PIK3CB: variants seen among roughly 807,000 people sequenced by gnomAD.
The protein encoded by PIK3CB is phosphatidylinositol 4,5-bisphosphate 3-kinase catalytic subunit beta isoform.
In PIK3CB, 39 loss-of-function variants were observed where a neutral mutation model predicts 136.8. That is an observed-to-expected ratio of 0.29 (90% confidence interval 0.22 to 0.37). The LOEUF (loss-of-function observed/expected upper bound fraction) is 0.37. Among genes scored for constraint, PIK3CB ranks in the 10% least tolerant of loss-of-function variants. PIK3CB has a pLI of 1.00. For synonymous variants in PIK3CB, 428 were observed against 436.6 expected (o/e 0.98, Z 0.25); for missense variants, 868 against 1,275.4 (o/e 0.68, Z 4.87).
chr3:138,819,615 C>G (rs992705887), intron 1 of PIK3CB, among the ~76,000 whole-genome samples: 1 of 152,040 alleles, frequency 6.6e-6, no homozygotes, highest in Admixed American at 6.6e-5. Context: ...ATACTGATGC[C>G]GAGGTATCAT....
intron 1 of PIK3CB, among the ~76,000 whole-genome samples, chr3:138,810,024 A>G (rs1234589920): frequency 1.3e-5 from 2 of 152,310 alleles, no homozygotes; most frequent in African/African-American, 2.4e-5. Flanking sequence ...ACACATACAC[A>G]CACACGAACA....
chr3:138,714,933 C>T (rs1260026814), intron 8 of PIK3CB, among the ~76,000 whole-genome samples: 1 of 152,096 alleles, frequency 6.6e-6, no homozygotes, highest in Non-Finnish European at 1.5e-5. Flanking sequence ...TTCAGTAAAC[C>T]GTAGTTAGTC....
chr3:138,718,934 A>G (rs1161011081), intron 8 of PIK3CB, among the ~76,000 whole-genome samples: 1 of 152,086 alleles, frequency 6.6e-6, no homozygotes, highest in African/African-American at 2.4e-5. Context: ...ATGATTTTTT[A>G]AAACAACCAT....
intron 2 of PIK3CB, among the ~76,000 whole-genome samples, chr3:138,790,227 T>G (rs1388272311): frequency 1.3e-5 from 2 of 152,086 alleles, no homozygotes; most frequent in Non-Finnish European, 2.9e-5. Context: ...GTATGGAGTT[T>G]CGGTTAGGGA....
At chr3:138,787,719 T>G (rs1287448359) in intron 2 of PIK3CB, among the ~76,000 whole-genome samples, 1 of 150,278 alleles carries the variant, frequency 6.7e-6, no homozygotes, top group Non-Finnish European at 1.5e-5. Context: ...ACAAATGTAT[T>G]CTTTTTTTTT....
chr3:138,765,679 CAAAA>C (rs34550458), intron 2 of PIK3CB, among the ~76,000 whole-genome samples: 2 of 119,242 alleles, frequency 1.7e-5, no homozygotes, highest in Non-Finnish European at 1.7e-5. Context: ...CCCCTCTCTT[CAAAA>C]AAAAAAAAAA....
Position 138,667,648 on chromosome 3 carries a change from A to G in PIK3CB, c.2505-2445T>C, listed in dbSNP as rs1577049392. On this transcript the variant is annotated intron_variant, in intron 19 of 23. Coordinates refer to ENST00000674063, the MANE Select transcript of PIK3CB (RefSeq NM_006219.3). ...GCAATCTCGGCTCACTGCAAGCTCCACCTCCCGGGTTCACGTCATTATCCT... is the reference window on the plus strand; with the variant it reads ...GCAATCTCGGCTCACTGCAAGCTCCGCCTCCCGGGTTCACGTCATTATCCT... Among the ~76,000 whole-genome samples, 5 of 148,626 alleles carry G rather than the reference A, an allele frequency of 3.4e-5. No homozygotes were observed. In the South Asian group the frequency reaches 1.1e-3, roughly 32 times the overall value.
chr3:138,700,467 C>A (rs1559824800), intron 12 of PIK3CB, among the ~76,000 whole-genome samples: 1 of 152,060 alleles, frequency 6.6e-6, no homozygotes, highest in African/African-American at 2.4e-5. Context: ...CTTAAATGGG[C>A]TCCCATGAGC....
intron 2 of PIK3CB, among the ~76,000 whole-genome samples, chr3:138,789,873 T>A (rs979826656): frequency 2.0e-5 from 3 of 152,062 alleles, no homozygotes; most frequent in African/African-American, 7.2e-5. Context: ...ATATTTTTAG[T>A]AGAGACGGGG....
intron 4 of PIK3CB, among the ~76,000 whole-genome samples, chr3:138,744,265 G>A (rs2045302232): frequency 1.3e-5 from 2 of 151,052 alleles, no homozygotes; most frequent in East Asian, 1.9e-4. Flanking sequence ...CGTGGTGGTG[G>A]GTGCCTGAAG....
chr3:138,664,168 G>A (rs932912916), intron 20 of PIK3CB, 139 bp from the exon 21 acceptor site: 2 of 953,230 alleles, frequency 2.1e-6, no homozygotes, highest in African/African-American at 3.4e-5. Flanking sequence ...AGAACATGTG[G>A]ATCAGCCAAG....
At chr3:138,671,499 TA>T (rs1485344118) in intron 19 of PIK3CB, among the ~76,000 whole-genome samples, 1 of 152,030 alleles carries the variant, frequency 6.6e-6, no homozygotes, top group Non-Finnish European at 1.5e-5. Context: ...TAGGTGTGGT[TA>T]AAAAAGAAAG....
chr3:138,734,496 ATGG>A (rs2045059103), intron 7 of PIK3CB, 135 bp downstream of exon 7: 3 of 494,922 alleles, frequency 6.1e-6, no homozygotes, highest in Non-Finnish European at 1.0e-5. Context: ...TTTTAAATAA[ATGG>A]TGATCGATTT....
intron 7 of PIK3CB, 37 bp from the exon 8 acceptor site, chr3:138,733,475 G>A: frequency 9.8e-7 from 1 of 1,015,732 alleles, no homozygotes; most frequent in Admixed American, 1.9e-5. Context: ...TTATTTTAAT[G>A]AAAGAAATGA....
intron 2 of PIK3CB, among the ~76,000 whole-genome samples, chr3:138,779,954 T>C (rs2045905040): frequency 6.6e-6 from 1 of 152,008 alleles, no homozygotes. Flanking sequence ...TAAATGGCAC[T>C]GAGAACTTTT....
intron 2 of PIK3CB, among the ~76,000 whole-genome samples, chr3:138,773,347 C>T (rs1028721006): frequency 1.8e-4 from 27 of 151,724 alleles, no homozygotes; most frequent in African/African-American, 6.3e-4. Context: ...GTTGAGATCA[C>T]GCCACTACAC....
chr3:138,726,113 T>C (rs1422682513), intron 8 of PIK3CB, among the ~76,000 whole-genome samples: 1 of 152,228 alleles, frequency 6.6e-6, no homozygotes, highest in Non-Finnish European at 1.5e-5. Flanking sequence ...GTCCCATGTG[T>C]GCACTACACA....
At chr3:138,716,382 A>G (rs2044607279) in intron 8 of PIK3CB, among the ~76,000 whole-genome samples, 2 of 152,114 alleles carry the variant, frequency 1.3e-5, no homozygotes, top group Non-Finnish European at 2.9e-5. Flanking sequence ...TCAAACTCAA[A>G]CAAAAATCTA....
intron 19 of PIK3CB, among the ~76,000 whole-genome samples, chr3:138,679,384 C>T (rs1441042527): frequency 6.6e-6 from 1 of 152,044 alleles, no homozygotes; most frequent in Non-Finnish European, 1.5e-5. Flanking sequence ...TAGTCTTGAA[C>T]TCCCGGGTTC....
Sources: allele counts gnomAD v4.1 joint callset (sites outside exome capture counted in the v4.1 genomes callset), GRCh38; gene constraint gnomAD v4.1.1; transcripts MANE v1.5; gene names NCBI Gene and HGNC (gene_info 2026-07-23, HGNC 2026-07-21).